The following RBMS3 variants were observed in gnomAD, a reference collection of about 807,000 sequenced individuals.
The protein encoded by RBMS3 is RNA binding motif single stranded interacting protein 3, also known as RNA-binding motif, single-stranded-interacting protein 3.
Under a neutral mutation model 66.8 loss-of-function variants are expected in RBMS3, and 27 were observed. The ratio of observed to expected loss-of-function variants is 0.40; its 90% CI spans 0.30 to 0.56. RBMS3 has a LOEUF of 0.56. Ranked by LOEUF, RBMS3 falls within the 20% of genes least tolerant of loss-of-function variation. The pLI, the probability that RBMS3 is intolerant of heterozygous loss-of-function variation, is 0.40. For synonymous variants in RBMS3, 188 were observed against 183.0 expected (o/e 1.03, Z -0.22); for missense variants, 513 against 549.5 (o/e 0.93, Z 0.66).
At chr3:29,455,321 A>G (rs1055780603) in intron 2 of RBMS3, among the ~76,000 whole-genome samples, 4 of 152,216 alleles carry the variant, frequency 2.6e-5, no homozygotes, top group Non-Finnish European at 5.9e-5. Context: ...GGGAAATTAA[A>G]TTGTATAGTA....
chr3:29,955,895 CTT>C (rs1401386130), intron 12 of RBMS3, among the ~76,000 whole-genome samples: 1 of 152,084 alleles, frequency 6.6e-6, no homozygotes. Context: ...ATCTTACTCT[CTT>C]TCCCTTCACC....
At chr3:29,621,101 A>C (rs976994643) in intron 4 of RBMS3, among the ~76,000 whole-genome samples, 3 of 152,044 alleles carry the variant, frequency 2.0e-5, no homozygotes, top group Non-Finnish European at 4.4e-5. Flanking sequence ...AATTAAACCA[A>C]TAGAGGGTCT....
At chr3:29,528,933 G>T (rs918720002) in intron 3 of RBMS3, among the ~76,000 whole-genome samples, 1 of 151,646 alleles carries the variant, frequency 6.6e-6, no homozygotes, top group African/African-American at 2.4e-5. Context: ...TAGTAGAGAT[G>T]GGGTTTCACC....
intron 3 of RBMS3, among the ~76,000 whole-genome samples, chr3:29,524,726 G>A (rs1201858515): frequency 4.6e-5 from 7 of 151,968 alleles, no homozygotes; most frequent in East Asian, 1.9e-4. Flanking sequence ...TTACAGGCAT[G>A]AGCCATCACG....
At chr3:29,767,006 A>G (rs1283810468) in intron 6 of RBMS3, 1 of 152,004 alleles carries the variant, frequency 6.6e-6, no homozygotes, top group Admixed American at 6.6e-5. Flanking sequence ...ATGAAGGATC[A>G]TTAGTTGCTT....
chr3:29,363,799 TAAAA>T (rs35770680), intron 1 of RBMS3, among the ~76,000 whole-genome samples: 3 of 142,784 alleles, frequency 2.1e-5, no homozygotes, highest in East Asian at 2.0e-4. Flanking sequence ...CAAAAACAAT[TAAAA>T]AAAAAAAAAA....
At chr3:29,997,021 C>G (rs1277474078) in intron 14 of RBMS3, among the ~76,000 whole-genome samples, 1 of 151,278 alleles carries the variant, frequency 6.6e-6, no homozygotes. Flanking sequence ...AGACCGCTAG[C>G]AAGACTAATA....
At chr3:29,801,413 A>T in intron 6 of RBMS3, among the ~76,000 whole-genome samples, 1 of 151,562 alleles carries the variant, frequency 6.6e-6, no homozygotes. Flanking sequence ...GGTTACAGGC[A>T]CCCACCACCA....
chr3:29,475,527 G>A (rs1303010945), intron 2 of RBMS3, among the ~76,000 whole-genome samples: 1 of 152,152 alleles, frequency 6.6e-6, no homozygotes, highest in African/African-American at 2.4e-5. Context: ...TGGGATTACA[G>A]GCGTGAATCA....
At chr3:29,892,843 G>GTATGTATTTATTTATTTATTTATT (rs1336972891) in intron 8 of RBMS3, among the ~76,000 whole-genome samples, 5 of 137,432 alleles carry the variant, frequency 3.6e-5, no homozygotes, top group African/African-American at 1.4e-4. Context: ...ATGTATGTAT[G>GTATGTATTTATTTATTTATTTATT]TATTTATTTA....
chr3:29,883,804 G>A (rs189256462), intron 7 of RBMS3, among the ~76,000 whole-genome samples: 19 of 151,956 alleles, frequency 1.3e-4, no homozygotes, highest in Admixed American at 7.2e-4. Flanking sequence ...TGCAGGATTC[G>A]TTCTTACTTT....
intron 1 of RBMS3, among the ~76,000 whole-genome samples, chr3:29,409,295 C>T (rs139568795): frequency 1.2e-3 from 183 of 151,892 alleles, no homozygotes; most frequent in African/African-American, 4.3e-3. Context: ...TTGGCTGGGA[C>T]ACCTCAGTTG....
At chr3:29,362,949 T>C (rs1212607047) in intron 1 of RBMS3, among the ~76,000 whole-genome samples, 1 of 152,214 alleles carries the variant, frequency 6.6e-6, no homozygotes, top group African/African-American at 2.4e-5. Context: ...TTTGTACAAA[T>C]ACATAAATAG....
rs967255857 is a variant in RBMS3, at chr3:29,609,541, A to G, written c.399+22336A>G. On this transcript the variant is annotated intron_variant, in intron 4 of 14. Transcript: ENST00000383767. ...TATGGGTGGAAGTATTTCACTATGT[A>G]AACAACCAGCATAACCATACACAAA... Among the ~76,000 whole-genome samples the G allele has an allele frequency of 5.9e-5, 9 of 151,996 alleles. 1 individual carries two copies. The highest frequency in any genetic ancestry group is 3.9e-4 in the Admixed American group (6 of 15,216).
intron 4 of RBMS3, among the ~76,000 whole-genome samples, chr3:29,596,874 T>G (rs1175265829): frequency 6.6e-6 from 1 of 152,196 alleles, no homozygotes; most frequent in Non-Finnish European, 1.5e-5. Context: ...TGGTTATATT[T>G]TAATGGTTTT....
intron 4 of RBMS3, among the ~76,000 whole-genome samples, chr3:29,590,348 A>C (rs1018308084): frequency 5.3e-5 from 8 of 152,134 alleles, no homozygotes; most frequent in African/African-American, 1.7e-4. Flanking sequence ...AGCCTAGATC[A>C]TAGTAAGAAT....
At chr3:29,497,734 T>C (rs1281467681) in intron 3 of RBMS3, among the ~76,000 whole-genome samples, 1 of 152,086 alleles carries the variant, frequency 6.6e-6, no homozygotes, top group African/African-American at 2.4e-5. Context: ...TCCTCTAGAT[T>C]ATAAACTCCC....
At chr3:29,331,330 C>G (rs1218431407) in intron 1 of RBMS3, among the ~76,000 whole-genome samples, 2 of 152,130 alleles carry the variant, frequency 1.3e-5, no homozygotes, top group Non-Finnish European at 2.9e-5. Context: ...CACGTCCTCC[C>G]TGGTGTTTAT....
At chr3:29,552,822 G>A (rs1430760859) in intron 3 of RBMS3, among the ~76,000 whole-genome samples, 2 of 152,136 alleles carry the variant, frequency 1.3e-5, no homozygotes, top group Admixed American at 1.3e-4. Context: ...ATTACACTCT[G>A]GAGTTAGTAA....
Sources: allele counts gnomAD v4.1 joint callset (sites outside exome capture counted in the v4.1 genomes callset), GRCh38; gene constraint gnomAD v4.1.1; transcripts MANE v1.5; gene names NCBI Gene and HGNC (gene_info 2026-07-23, HGNC 2026-07-21).